The following COBL variants were observed in gnomAD, a reference collection of about 807,000 sequenced individuals.
COBL encodes cordon-bleu WH2 repeat protein.
Under a neutral mutation model 98.8 loss-of-function variants are expected in COBL, and 51 were observed. The observed-to-expected ratio is 0.52, with a 90% CI of 0.41 to 0.65. The LOEUF is 0.65. COBL is among the 30% of genes least tolerant of loss of function. The pLI, the probability that COBL is intolerant of heterozygous loss-of-function variation, is 0.00. For synonymous variants in COBL, 634 were observed against 651.7 expected, an observed-to-expected ratio of 0.97 and a Z score of 0.41; for missense variants, 1,617 against 1,617.5, an observed-to-expected ratio of 1.00 and a Z score of 0.01.
At chr7:51,043,335 C>G (rs998189510) in intron 8 of COBL, 48 bp downstream of exon 8, 2 of 1,562,004 alleles carry the variant, frequency 1.3e-6, no homozygotes, top group East Asian at 2.2e-5. Context: ...TTTAGAGACA[C>G]AGATGTGGCT....
chr7:51,150,679 C>T (rs550462796), intron 5 of COBL, among the ~76,000 whole-genome samples: 8 of 152,280 alleles, frequency 5.3e-5, no homozygotes, highest in South Asian at 2.1e-4. Flanking sequence ...ACAACTACTT[C>T]GCCACTTTCA....
rs562391055 is a variant in COBL at position 51,046,204 on chromosome 7, G to A, written c.1097-2512C>T. Among the ~76,000 whole-genome samples, 518 of 152,292 alleles carry A rather than the reference G, an allele frequency of 3.4e-3. 3 individuals are homozygous for A. Among genetic ancestry groups the A allele is most frequent in the African/African-American group, 0.011 (452 of 41,572 alleles). On this transcript the variant is annotated intron_variant, in intron 7 of 12. Coordinates refer to ENST00000265136, the MANE Select transcript of COBL (RefSeq NM_015198.5). ...CTGCCAAAGGGGTGGGACCCGTCCA[G>A]GAAAGACCAGGCAGACCTCCCCACA...
intron 2 of COBL, among the ~76,000 whole-genome samples, chr7:51,198,420 T>C (rs981355551): frequency 3.3e-5 from 5 of 152,206 alleles, no homozygotes; most frequent in African/African-American, 1.2e-4. Context: ...CTGATTTTTC[T>C]CTCTAGCTGC....
chr7:51,187,629 A>G (rs930752844), intron 4 of COBL, among the ~76,000 whole-genome samples: 1 of 152,190 alleles, frequency 6.6e-6, no homozygotes, highest in Non-Finnish European at 1.5e-5. Flanking sequence ...GCCCTGAATT[A>G]TTGGGCAACA....
intron 1 of COBL, among the ~76,000 whole-genome samples, chr7:51,308,703 G>A (rs929769207): frequency 6.6e-6 from 1 of 152,150 alleles, no homozygotes. Context: ...ACTTTCCCAG[G>A]TGCAACTACC....
intron 2 of COBL, among the ~76,000 whole-genome samples, chr7:51,210,419 C>T (rs1355101122): frequency 6.6e-6 from 1 of 152,216 alleles, no homozygotes; most frequent in East Asian, 1.9e-4. Context: ...ACCTCAGACA[C>T]CATCCCTTCC....
chr7:51,142,032 T>A (rs549347574), intron 5 of COBL, among the ~76,000 whole-genome samples: 4 of 152,172 alleles, frequency 2.6e-5, no homozygotes, highest in Non-Finnish European at 5.9e-5. Context: ...TCTTCTGGCA[T>A]CCTGGAAATC....
At position 51,172,397 on chromosome 7, in the gene COBL, C is replaced by T. The variant is rs185843659; in HGVS notation, c.783+11705G>A. On this transcript the variant is annotated intron_variant, in intron 5 of 12. Coordinates refer to ENST00000265136, the MANE Select transcript of COBL (RefSeq NM_015198.5). ...TGTGATTTCACTATCTGGAAGGTCG[C>T]GCAAAGCAAGAAGTTCCAAGCAATT... 284 of 1,116,084 alleles carry T rather than the reference C, an allele frequency of 2.5e-4. 2 individuals are homozygous for T. In the African/African-American group the frequency reaches 3.8e-3, roughly 15 times the overall value. 69.1% of individuals were successfully genotyped at this position (1,116,084 alleles called of 1,614,324 possible). A position where few individuals can be genotyped will look rare whatever the true frequency, so the allele number is the denominator to read the frequency against.
chr7:51,024,042 G>A (rs1787216617), intron 12 of COBL, among the ~76,000 whole-genome samples: 1 of 152,192 alleles, frequency 6.6e-6, no homozygotes. Flanking sequence ...GGGCGCAGTG[G>A]CTCACGCCTG....
chr7:51,097,772 C>T (rs576456922), intron 6 of COBL, among the ~76,000 whole-genome samples: 2 of 152,054 alleles, frequency 1.3e-5, no homozygotes, highest in South Asian at 4.2e-4. Context: ...ACCTGTAATC[C>T]CAGCACTTTG....
At chr7:51,184,907 G>A (rs896406277) in intron 4 of COBL, among the ~76,000 whole-genome samples, 3 of 152,158 alleles carry the variant, frequency 2.0e-5, no homozygotes, top group African/African-American at 7.2e-5. Flanking sequence ...TAACAGCTAT[G>A]GGCTCCCCAG....
chr7:51,136,690 A>G (rs903003518), intron 5 of COBL, among the ~76,000 whole-genome samples: 1 of 152,214 alleles, frequency 6.6e-6, no homozygotes, highest in African/African-American at 2.4e-5. Flanking sequence ...ATGAGCTCTT[A>G]GACACTAAAA....
At chr7:51,071,145 A>G (rs1792507526) in intron 7 of COBL, 1 of 152,210 alleles carries the variant, frequency 6.6e-6, no homozygotes, top group African/African-American at 2.4e-5. Flanking sequence ...GTGAGCTACC[A>G]TCTTTTGTGG....
intron 1 of COBL, among the ~76,000 whole-genome samples, chr7:51,313,780 G>A (rs1049650907): frequency 7.2e-5 from 11 of 152,174 alleles, no homozygotes; most frequent in African/African-American, 2.7e-4. Context: ...TCAGACAAAC[G>A]CAAAGTAAAC....
At chr7:51,237,062 T>TCG (rs36031883) in intron 1 of COBL, among the ~76,000 whole-genome samples, 47,376 of 151,796 alleles carry the variant, frequency 0.31, 9,376 homozygotes, top group Non-Finnish European at 0.44. Flanking sequence ...TCTCCCTGAC[T>TCG]GCTTCTTTCA....
At chr7:51,158,121 T>C (rs1583999295) in intron 5 of COBL, among the ~76,000 whole-genome samples, 1 of 152,346 alleles carries the variant, frequency 6.6e-6, no homozygotes, top group South Asian at 2.1e-4. Context: ...AAAAAGACAA[T>C]GCAGCAAATG....
At chr7:51,188,541 C>T (rs1343738888) in intron 4 of COBL, among the ~76,000 whole-genome samples, 6 of 152,190 alleles carry the variant, frequency 3.9e-5, no homozygotes, top group Non-Finnish European at 7.3e-5. Context: ...GGGTGCTGGC[C>T]ACAAGGCTGG....
intron 5 of COBL, among the ~76,000 whole-genome samples, chr7:51,176,703 TTA>T (rs1351072632): frequency 6.6e-6 from 1 of 152,212 alleles, no homozygotes; most frequent in Non-Finnish European, 1.5e-5. Flanking sequence ...CTTGTTCCAT[TTA>T]CAAAGGCACA....
intron 6 of COBL, among the ~76,000 whole-genome samples, chr7:51,128,906 A>T (rs1798479707): frequency 6.6e-6 from 1 of 152,214 alleles, no homozygotes; most frequent in Non-Finnish European, 1.5e-5. Flanking sequence ...GCCCAGACAG[A>T]CTGTCCCTGC....
Sources: allele counts gnomAD v4.1 joint callset (sites outside exome capture counted in the v4.1 genomes callset), GRCh38; gene constraint gnomAD v4.1.1; transcripts MANE v1.5; gene names NCBI Gene and HGNC (gene_info 2026-07-23, HGNC 2026-07-21).